The following CHTF18 variants were observed in gnomAD, a reference collection of about 807,000 sequenced individuals.
CHTF18 encodes the protein chromosome transmission fidelity protein 18 homolog.
A neutral mutation model predicts 113.4 loss-of-function variants in CHTF18; 151 were observed. That is an observed-to-expected ratio of 1.33 (90% CI 1.17 to 1.52). The LOEUF is 1.52. CHTF18 is among the 40% of genes most tolerant of loss of function. CHTF18 has a pLI of 0.00. For missense variants in CHTF18, 1,982 were observed against 1,381.6 expected, an observed-to-expected ratio of 1.43 and a Z score of -6.89; for synonymous variants, 916 against 598.8, an observed-to-expected ratio of 1.53 and a Z score of -7.74.
At position 797,210 on chromosome 16, in the gene CHTF18, G is replaced by T. The variant is rs936718233; in HGVS notation, c.2733+118G>T. ...GGGTGGGGCCAGGGTACCTTTGTGGGTGTGGCTAGGGCCCCTCATGAGGCA... is the reference window on the plus strand; with the variant it reads ...GGGTGGGGCCAGGGTACCTTTGTGGTTGTGGCTAGGGCCCCTCATGAGGCA... On this transcript the variant is annotated intron_variant, in intron 20 of 21. Transcript: ENST00000262315. 3 of 1,245,944 alleles carry T rather than the reference G, an allele frequency of 2.4e-6. No homozygotes were observed. In the African/African-American group the frequency reaches 4.6e-5, roughly 19 times the overall value. 77.2% of individuals were successfully genotyped at this position (1,245,944 alleles called of 1,614,324 possible).
intron 4 of CHTF18, 99 bp downstream of exon 4, chr16:789,814 C>A: frequency 7.1e-7 from 1 of 1,401,442 alleles, no homozygotes; most frequent in Non-Finnish European, 9.5e-7. Flanking sequence ...AAAGCGGGTC[C>A]TGTGCAGAGC....
chr16:790,641 A>G lies in CHTF18; in HGVS notation c.869A>G (p.His290Arg), dbSNP rs761920734. 7 of 1,595,452 alleles carry G rather than the reference A, an allele frequency of 4.4e-6. No homozygotes were observed. The Admixed American group carries it at 8.7e-5, about 20-fold the overall frequency. ...CLWVDEFAPR[H>R]YTELLSDDFT... is the part of the protein sequence containing the mutation. Reference sequence around the variant, plus strand: ...TGGGTGGATGAGTTTGCACCCCGCCACTACACGGAGCTGCTCAGTGATGAC... The same window carrying G: ...TGGGTGGATGAGTTTGCACCCCGCCGCTACACGGAGCTGCTCAGTGATGAC... The change falls in exon 7 of 22, where the codon CAC becomes CGC. Residue 290 changes from histidine to arginine, a missense_variant. His to Arg is a conservative substitution (Grantham distance 29). Transcript: ENST00000262315.
intron 14 of CHTF18, 29 bp downstream of exon 14, chr16:793,303 A>G (rs770951581): frequency 6.2e-7 from 1 of 1,602,666 alleles, no homozygotes; most frequent in Non-Finnish European, 8.5e-7. Flanking sequence ...CTCGGCCCAG[A>G]TGCTCACGGT....
rs757939458 is a variant in CHTF18 at position 793,040 on chromosome 16, C to T, written c.1647C>T (p.Ile549=). 21 of 1,565,504 alleles carry T rather than the reference C, an allele frequency of 1.3e-5. No homozygotes were observed. Among genetic ancestry groups the T allele is most frequent in the Non-Finnish European group, 1.8e-5 (21 of 1,155,882 alleles). ...AALCEKTDND[I]RACINTLQFL... ...TCTGTGAGAAAACTGACAATGACATCCGGGCCTGCATCAACACCCTGCAGG... is the reference window on the plus strand; with the variant it reads ...TCTGTGAGAAAACTGACAATGACATTCGGGCCTGCATCAACACCCTGCAGG... Residue 549 remains isoleucine (I), a synonymous_variant, in exon 13 of 22, where the codon ATC becomes ATT. Transcript: ENST00000262315.
At chr16:794,690 G>A (rs2042290096) in intron 15 of CHTF18, 3 of 232,844 alleles carry the variant, frequency 1.3e-5, no homozygotes, top group South Asian at 1.5e-4. Context: ...AAGCCGCGAT[G>A]TGGAGGGGCA....
rs768758619 is a variant in CHTF18, at chr16:789,619, G to GC, written c.516dup (p.Ile173HisfsTer23). ...CTGCCCGCAATCCCGTCCTGAGGCG[G>GC]CCCCCCATCTTGGAGGACTACGTCC... is the stretch of plus-strand genomic sequence containing the variant. On this transcript the variant is annotated frameshift_variant, in exon 4 of 22. Coordinates refer to ENST00000262315, the MANE Select transcript of CHTF18 (RefSeq NM_022092.3). LOFTEE classifies it high-confidence loss of function. 7 of 1,608,664 alleles carry GC rather than the reference G, an allele frequency of 4.4e-6. No individual in the cohort carries two copies. The Admixed American group carries it at 5.0e-5, about 11-fold the overall frequency.
Position 795,443 on chromosome 16 carries a change from G to T in CHTF18, c.2175+87G>T, listed in dbSNP as rs111594993. On this transcript the variant is annotated intron_variant, in intron 16 of 21. Transcript: ENST00000262315. Reference sequence around the variant, plus strand: ...TGTGGCTGCCCCCGGCCCCGTGCCCGCCCCCCCAAACACACTGCCCGTGTG... The same window carrying T: ...TGTGGCTGCCCCCGGCCCCGTGCCCTCCCCCCCAAACACACTGCCCGTGTG... 1.1e-3 allele frequency: 381 copies of T among 335,730 alleles called. 11 individuals are homozygous for T. In the African/African-American group the frequency reaches 0.033, roughly 30 times the overall value. The allele number at this position is 335,730 out of a possible 1,614,324, so 20.8% of individuals were successfully genotyped here.
chr16:788,833 C>T (rs1281916841), intron 1 of CHTF18, 58 bp downstream of exon 1: 2 of 1,546,462 alleles, frequency 1.3e-6, no homozygotes, highest in Non-Finnish European at 1.7e-6. Context: ...CAGTGGCGAC[C>T]TCGGGGAGGG....
Position 795,848 on chromosome 16 carries a change from C to G in CHTF18, c.2325+14C>G. The G allele has an allele frequency of 6.2e-7, 1 of 1,608,164 alleles. No individual in the cohort carries two copies. The highest frequency in any genetic ancestry group is 1.3e-5 in the African/African-American group (1 of 74,814). ...AAGCTCCGCCCCGTGAGTGCCGTCC[C>G]CGGGGTGGGGGATTCCCCGCCTGCT... On this transcript the variant is annotated intron_variant, in intron 17 of 21. Coordinates refer to ENST00000262315, the MANE Select transcript of CHTF18 (RefSeq NM_022092.3).
At position 790,193 on chromosome 16, in the gene CHTF18, T is replaced by C; in HGVS notation, c.623T>C (p.Val208Ala). Residue 208 changes from valine to alanine, a missense_variant, in exon 5 of 22, where the codon GTC becomes GCC. Transcript: ENST00000262315. ...APGVQGSLLH[V>A]PWRGGGQLDL... ...TCCCCACAGGGCTCTCTCCTCCACG[T>C]CCCATGGCGAGGCGGTGGCCAGCTG... 1 of 1,601,838 alleles carries C rather than the reference T, an allele frequency of 6.2e-7. No individual in the cohort carries two copies. Among genetic ancestry groups the C allele is most frequent in the Non-Finnish European group, 8.5e-7 (1 of 1,175,170 alleles).
intron 20 of CHTF18, 75 bp downstream of exon 20, chr16:797,167 G>A (rs984986673): frequency 3.6e-5 from 52 of 1,431,728 alleles, no homozygotes; most frequent in Non-Finnish European, 4.6e-5. Context: ...GTCATGAGGC[G>A]GGGCCAAGGC....
chr16:793,062 C>A lies in CHTF18; in HGVS notation c.1669C>A (p.Gln557Lys). 1 of 1,400,474 alleles carries A rather than the reference C, an allele frequency of 7.1e-7. No individual in the cohort carries two copies. The highest frequency in any genetic ancestry group is 9.7e-7 in the Non-Finnish European group (1 of 1,031,784). The allele number at this position is 1,400,474 out of a possible 1,614,324, so 86.8% of individuals were successfully genotyped here. A position where few individuals can be genotyped will look rare whatever the true frequency, so the allele number is the denominator to read the frequency against. The change falls in exon 13 of 22, where the codon CAG becomes AAG. Residue 557 changes from glutamine (Q) to lysine (K), a missense_variant and splice_region_variant. Physicochemically the swap from Gln to Lys is moderately conservative, Grantham distance 53. Transcript: ENST00000262315. ...NDIRACINTL[Q>K]FLYSRGQREL... ...CATCCGGGCCTGCATCAACACCCTG[C>A]AGGTGGGCGGCCGGCAGGCACCGGG...
At chr16:790,694 G>T (rs1274919190) in intron 7 of CHTF18, 28 bp downstream of exon 7, 1 of 1,507,294 alleles carries the variant, frequency 6.6e-7, no homozygotes. Context: ...CTCAAGTGTG[G>T]CTGGCTTCCT....
At chr16:795,662 C>A (rs1187043189) in intron 16 of CHTF18, 23 bp from the exon 17 acceptor site, 1 of 1,556,458 alleles carries the variant, frequency 6.4e-7, no homozygotes, top group Non-Finnish European at 8.7e-7. Context: ...GGTGACCAGG[C>A]CTTGGCTCAC....
intron 8 of CHTF18, 144 bp downstream of exon 8, chr16:791,514 AG>A: frequency 1.4e-6 from 2 of 1,438,972 alleles, no homozygotes; most frequent in Admixed American, 2.7e-5. Flanking sequence ...AGCGTGAGTT[AG>A]AACTGGAGCG....
At chr16:797,811 G>A (rs909709676) in intron 21 of CHTF18, 28 bp from the exon 22 acceptor site, 1 of 1,591,342 alleles carries the variant, frequency 6.3e-7, no homozygotes, top group East Asian at 2.3e-5. Context: ...GGGCCTTACA[G>A]CTGAGGAGCA....
chr16:790,968 G>A lies in CHTF18; in HGVS notation c.895-193G>A. 4 of 1,438,418 alleles carry A rather than the reference G, an allele frequency of 2.8e-6. No individual in the cohort carries two copies. In the South Asian group the frequency reaches 5.9e-5, roughly 21 times the overall value. 89.1% of individuals were successfully genotyped at this position (1,438,418 alleles called of 1,614,324 possible). ...GGGGAGGGCAGGGGCCTCCCAGATG[G>A]GTTGTGGCCAGAGCCGTGGGGGTGG... On this transcript the variant is annotated intron_variant, in intron 7 of 21. Transcript: ENST00000262315.
chr16:790,004 C>T (rs1447139781), intron 4 of CHTF18, 173 bp from the exon 5 acceptor site: 54 of 1,535,452 alleles, frequency 3.5e-5, no homozygotes, highest in African/African-American at 9.6e-5. Context: ...TTTCCCTTTG[C>T]AGCTGACCCA....
At chr16:792,146 T>A in intron 9 of CHTF18, 78 bp from the exon 10 acceptor site, 1 of 1,525,788 alleles carries the variant, frequency 6.6e-7, no homozygotes, top group African/African-American at 1.4e-5. Flanking sequence ...TCCACGCAAA[T>A]GCGGCAGCCC....
Sources: allele counts gnomAD v4.1 joint callset, GRCh38; gene constraint gnomAD v4.1.1; transcripts MANE v1.5; gene names NCBI Gene and HGNC (gene_info 2026-07-23, HGNC 2026-07-21).